The following MRC1 variants were observed in gnomAD, a reference collection of about 807,000 sequenced individuals.
MRC1 encodes mannose receptor C-type 1.
A neutral mutation model predicts 102.9 loss-of-function variants in MRC1; 62 were observed. That is an observed-to-expected ratio of 0.60 (90% CI 0.49 to 0.74). The LOEUF (loss-of-function observed/expected upper bound fraction) is 0.74, where lower values mean the gene tolerates loss of function less well. MRC1 is among the 30% of genes least tolerant of loss of function. MRC1 has a pLI of 0.00. For synonymous variants in MRC1, 457 were observed against 298.4 expected (o/e 1.53, Z -5.48); for missense variants, 1,237 against 862.8 (o/e 1.43, Z -5.43).
rs1388369072 is a variant in MRC1 at position 17,873,798 on chromosome 10, C to G, written c.2359C>G (p.Pro787Ala). ...CQIQKGQTPK[P>A]EPTPAPQDNP... ...TTGTTTTACAGGACAAACACCAAAA[C>G]CTGAGCCAACACCAGCTCCTCAAGA... Residue 787 changes from proline to alanine, a missense_variant, in exon 16 of 30, where the codon CCT becomes GCT. Coordinates refer to ENST00000569591, the MANE Select transcript of MRC1 (RefSeq NM_002438.4). The G allele has an allele frequency of 2.8e-5, 24 of 872,490 alleles. No individual in the cohort carries two copies. The Admixed American group carries it at 4.1e-4, about 15-fold the overall frequency. 54.0% of individuals were successfully genotyped at this position (872,490 alleles called of 1,614,324 possible). A position where few individuals can be genotyped will look rare whatever the true frequency, so the allele number is the denominator to read the frequency against.
chr10:17,823,276 CTA>C lies in MRC1; in HGVS notation c.266_267del (p.Tyr89CysfsTer3). On this transcript the variant is annotated frameshift_variant, in exon 2 of 30. Coordinates refer to ENST00000569591, the MANE Select transcript of MRC1 (RefSeq NM_002438.4). LOFTEE classifies it high-confidence loss of function. ...AAACGGACTGGGTTGCTATCACTCT[CTA>C]TGCCTGTGACTCAAAAAGTGAATTT... is the stretch of plus-strand genomic sequence containing the variant. The part of the protein sequence containing the change: ...SKTDWVAITL[Y>X]ACDSKSEFQK... 1 of 780,632 alleles carries C rather than the reference CTA, an allele frequency of 1.3e-6. No individual in the cohort carries two copies. The highest frequency in any genetic ancestry group is 2.4e-5 in the East Asian group (1 of 41,242). 48.4% of individuals were successfully genotyped at this position (780,632 alleles called of 1,614,324 possible).
intron 1 of MRC1, among the ~76,000 whole-genome samples, chr10:17,809,767 C>T (rs886252027): frequency 9.8e-4 from 149 of 152,272 alleles, no homozygotes; most frequent in African/African-American, 3.4e-3. Context: ...TGCCGGGAAC[C>T]CTACAGACCT....
intron 1 of MRC1, among the ~76,000 whole-genome samples, chr10:17,812,358 T>A (rs1838237063): frequency 6.6e-6 from 1 of 152,084 alleles, no homozygotes; most frequent in Non-Finnish European, 1.5e-5. Context: ...GAAGTTTAAC[T>A]TGGAAATGGG....
At chr10:17,849,815 C>T (rs1406685731) in intron 7 of MRC1, 51 bp downstream of exon 7, 1 of 734,872 alleles carries the variant, frequency 1.4e-6, no homozygotes, top group South Asian at 1.5e-5. Context: ...TGGGAGCACC[C>T]CTTTCTACCC....
chr10:17,833,366 A>G (rs1263598921), intron 3 of MRC1, among the ~76,000 whole-genome samples: 1 of 151,998 alleles, frequency 6.6e-6, no homozygotes, highest in Admixed American at 6.6e-5. Context: ...GCAAAAAGTT[A>G]AAAAGTTAGC....
chr10:17,858,534 C>T (rs1042936275), intron 9 of MRC1, among the ~76,000 whole-genome samples: 1 of 152,154 alleles, frequency 6.6e-6, no homozygotes, highest in Non-Finnish European at 1.5e-5. Flanking sequence ...GTTGCCCAGG[C>T]TGGAGTGCAG....
intron 10 of MRC1, among the ~76,000 whole-genome samples, chr10:17,861,774 T>C (rs1294976739): frequency 1.4e-4 from 22 of 152,226 alleles, no homozygotes; most frequent in Non-Finnish European, 1.5e-5. Flanking sequence ...AACTTTTTAA[T>C]GATCCATTCG....
At chr10:17,898,413 A>G (rs900390509) in intron 24 of MRC1, 147 bp downstream of exon 24, 11 of 733,070 alleles carry the variant, frequency 1.5e-5, no homozygotes, top group Non-Finnish European at 2.0e-5. Flanking sequence ...ACAAGATCCA[A>G]TCTTTCAGGG....
chr10:17,814,672 TCC>T (rs1838278730), intron 1 of MRC1, among the ~76,000 whole-genome samples: 11 of 131,816 alleles, frequency 8.3e-5, no homozygotes, highest in Non-Finnish European at 1.8e-4. Flanking sequence ...GGTCCTTCCG[TCC>T]CTCTTTTTTT....
intron 4 of MRC1, among the ~76,000 whole-genome samples, chr10:17,835,593 A>T (rs957240233): frequency 6.6e-6 from 1 of 152,128 alleles, no homozygotes; most frequent in Non-Finnish European, 1.5e-5. Context: ...AATATTTATG[A>T]CCCCTCTTCC....
chr10:17,834,463 A>T (rs1838630708), intron 4 of MRC1, among the ~76,000 whole-genome samples: 1 of 152,138 alleles, frequency 6.6e-6, no homozygotes, highest in South Asian at 2.1e-4. Context: ...CCCAGACTGG[A>T]GTGCAATGAC....
At position 17,901,484 on chromosome 10, in the gene MRC1, G is replaced by T. The variant is rs902387760; in HGVS notation, c.3650-489G>T. Among the ~76,000 whole-genome samples, 401 of 152,152 alleles carry T rather than the reference G, an allele frequency of 2.6e-3. 1 individual carries two copies. The highest frequency in any genetic ancestry group is 9.2e-3 in the African/African-American group (384 of 41,518). The stretch of plus-strand genomic sequence containing the variant: ...CGGGCAGATCACCTGAGGTCAGGAG[G>T]TTGAGACCAGCTTGGCCAACATGGT... On this transcript the variant is annotated intron_variant, in intron 25 of 29. Coordinates refer to ENST00000569591, the MANE Select transcript of MRC1 (RefSeq NM_002438.4).
chr10:17,816,936 A>C (rs1374799229), intron 1 of MRC1, among the ~76,000 whole-genome samples: 2 of 152,174 alleles, frequency 1.3e-5, no homozygotes, highest in African/African-American at 2.4e-5. Context: ...ATGTTGCGGC[A>C]TAATTTTAAA....
Position 17,857,832 on chromosome 10 carries a change from C to T in MRC1, c.1518+1480C>T, listed in dbSNP as rs1022066679. 5.3e-5 allele frequency among the ~76,000 whole-genome samples: 8 copies of T among 152,262 alleles called. 1 individual carries two copies. The highest frequency in any genetic ancestry group is 1.9e-4 in the African/African-American group (8 of 41,542). ...ACAGGCTTGTTGTTGTTGCACAGAC[C>T]TGGGATTTAATTTTCAATTCAATGC... On this transcript the variant is annotated intron_variant, in intron 9 of 29. Coordinates refer to ENST00000569591, the MANE Select transcript of MRC1 (RefSeq NM_002438.4).
At chr10:17,865,926 T>A (rs1200456439) in intron 11 of MRC1, among the ~76,000 whole-genome samples, 10 of 152,244 alleles carry the variant, frequency 6.6e-5, no homozygotes, top group Admixed American at 1.3e-4. Context: ...ATCCTGATAC[T>A]TCCAAAGCTC....
At chr10:17,827,214 G>A (rs1409303022) in intron 2 of MRC1, among the ~76,000 whole-genome samples, 5 of 151,638 alleles carry the variant, frequency 3.3e-5, no homozygotes, top group African/African-American at 1.2e-4. Flanking sequence ...TGTACCATTT[G>A]AACATTTTCA....
chr10:17,898,209 G>A lies in MRC1; in HGVS notation c.3426G>A (p.Ala1142=), dbSNP rs35043199. Reference sequence around the variant, plus strand: ...TGGATCCCTACAGTAATGCATTTGCGTGGCTGCAGATGGAAACATCTAATG... The same window carrying A: ...TGGATCCCTACAGTAATGCATTTGCATGGCTGCAGATGGAAACATCTAATG... ...SILDPYSNAF[A]WLQMETSNER... Residue 1142 remains alanine (A), a synonymous_variant, in exon 24 of 30, where the codon GCG becomes GCA. Coordinates refer to ENST00000569591, the MANE Select transcript of MRC1 (RefSeq NM_002438.4). The A allele has an allele frequency of 0.019, 14,827 of 780,748 alleles. 1,428 individuals are homozygous for A. The African/African-American group carries it at 0.21, about 11-fold the overall frequency. 48.4% of individuals were successfully genotyped at this position (780,748 alleles called of 1,614,324 possible).
At chr10:17,856,664 G>A (rs1564618089) in intron 9 of MRC1, among the ~76,000 whole-genome samples, 2 of 152,092 alleles carry the variant, frequency 1.3e-5, no homozygotes, top group African/African-American at 2.4e-5. Flanking sequence ...GGCAGGCCAC[G>A]GGAGAAGGTG....
intron 23 of MRC1, 27 bp downstream of exon 23, chr10:17,894,339 T>C: frequency 3.5e-6 from 3 of 867,672 alleles, no homozygotes; most frequent in Non-Finnish European, 6.0e-6. Flanking sequence ...CTTACCTTCC[T>C]GAAAGAGCTG....
Sources: allele counts gnomAD v4.1 joint callset (sites outside exome capture counted in the v4.1 genomes callset), GRCh38; gene constraint gnomAD v4.1.1; transcripts MANE v1.5; gene names NCBI Gene and HGNC (gene_info 2026-07-23, HGNC 2026-07-21).